Variants in RASEF observed in about 807,000 individuals in gnomAD.
The protein encoded by RASEF is ras and EF-hand domain-containing protein.
A neutral mutation model predicts 90.1 loss-of-function variants in RASEF; 68 were observed. The ratio of observed to expected loss-of-function variants is 0.75; its 90% confidence interval spans 0.62 to 0.92. RASEF has a LOEUF of 0.92. Among genes scored for constraint, RASEF ranks in the 40% least tolerant of loss-of-function variants. RASEF has a pLI of 0.00. For missense variants in RASEF, 949 were observed against 937.2 expected, an observed-to-expected ratio of 1.01 and a Z score of -0.16; for synonymous variants, 331 against 345.2, an observed-to-expected ratio of 0.96 and a Z score of 0.46.
the RASEF span, among the ~76,000 whole-genome samples, chr9:83,134,537 T>G: frequency 1.3e-5 from 2 of 151,996 alleles, no homozygotes; most frequent in African/African-American, 2.4e-5. Context: ...TACACCAGGC[T>G]TGTTACCCAC....
At chr9:83,140,205 C>G in the RASEF span, among the ~76,000 whole-genome samples, 4 of 152,108 alleles carry the variant, frequency 2.6e-5, no homozygotes, top group Non-Finnish European at 2.9e-5. Flanking sequence ...GATGTTGAAG[C>G]CTATAATACC....
chr9:83,033,437 AAGGGGGTGCAAT>A (rs1438580541), intron 1 of RASEF, among the ~76,000 whole-genome samples: 1 of 152,168 alleles, frequency 6.6e-6, no homozygotes, highest in Non-Finnish European at 1.5e-5. Context: ...ACTAGGCAGA[AAGGGGGTGCAAT>A]AGGGGGTGGT....
the RASEF span, among the ~76,000 whole-genome samples, chr9:83,145,219 A>C: frequency 2.6e-5 from 4 of 152,140 alleles, no homozygotes; most frequent in Non-Finnish European, 5.9e-5. Context: ...TAACTATAAC[A>C]AGGACTATAA....
intron 1 of RASEF, among the ~76,000 whole-genome samples, chr9:83,037,649 A>G (rs1347568219): frequency 1.3e-5 from 2 of 152,068 alleles, no homozygotes; most frequent in African/African-American, 2.4e-5. Flanking sequence ...CATTTTTGCA[A>G]TAGTCATTTT....
At chr9:83,006,183 ACTT>A (rs1322643849) in intron 7 of RASEF, among the ~76,000 whole-genome samples, 5 of 152,184 alleles carry the variant, frequency 3.3e-5, no homozygotes, top group African/African-American at 1.2e-4. Flanking sequence ...CCTCCAGAAC[ACTT>A]CCTTGACCTT....
At chr9:83,027,306 C>T (rs964932378) in intron 1 of RASEF, among the ~76,000 whole-genome samples, 2 of 152,192 alleles carry the variant, frequency 1.3e-5, no homozygotes. Context: ...TTACCTCAAT[C>T]TTCAGCTTCT....
intron 1 of RASEF, among the ~76,000 whole-genome samples, chr9:83,037,398 C>T (rs1829762540): frequency 1.3e-5 from 2 of 151,846 alleles, no homozygotes; most frequent in Non-Finnish European, 2.9e-5. Context: ...TCAGGAAGTT[C>T]ATTCTGTCAA....
the RASEF span, among the ~76,000 whole-genome samples, chr9:83,189,509 A>G: frequency 7.9e-5 from 12 of 152,208 alleles, no homozygotes; most frequent in Non-Finnish European, 1.6e-4. Context: ...CTCTCATAAT[A>G]TCACACAGAA....
chr9:83,165,452 C>A, the RASEF span, among the ~76,000 whole-genome samples: 3 of 151,844 alleles, frequency 2.0e-5, no homozygotes, highest in Non-Finnish European at 1.5e-5. Context: ...ATATTTGAAA[C>A]GGAATGAAAA....
rs1829002019 is a variant in RASEF, at chr9:83,000,183, A to G, written c.1709T>C (p.Ile570Thr). The G allele has an allele frequency of 6.2e-7, 1 of 1,613,790 alleles. No individual in the cohort carries two copies. The highest frequency in any genetic ancestry group is 8.5e-7 in the Non-Finnish European group (1 of 1,179,924). ...RLCKNEFREN[I>T]SATLGVDFQM... ...ACGAGCCATACCCAGGGTGGCGCTT[A>G]TATTTTCTCGAAATTCATTCTTGCA... is the stretch of plus-strand genomic sequence containing the variant. The change falls in exon 12 of 17, where the codon ATA (isoleucine) becomes ACA (threonine). Residue 570 changes from isoleucine to threonine, a missense_variant. Ile to Thr is a moderately conservative substitution (Grantham distance 89, BLOSUM62 -1). This residue lies in a region of RASEF where 288 missense variants were observed against 328.4 expected (regional missense o/e 0.88). Coordinates refer to ENST00000376447, the MANE Select transcript of RASEF (RefSeq NM_152573.4).
chr9:83,000,447 C>T lies in RASEF; in HGVS notation c.1561G>A (p.Ala521Thr), dbSNP rs77070682. Residue 521 changes from alanine (A) to threonine (T), a missense_variant, in exon 11 of 17, where the codon GCA (alanine) becomes ACA (threonine). Ala to Thr is a moderately conservative substitution (Grantham distance 58). This residue lies in a region of RASEF where 288 missense variants were observed against 328.4 expected (regional missense o/e 0.88). Coordinates refer to ENST00000376447, the MANE Select transcript of RASEF (RefSeq NM_152573.4). ...IVSSSRKPIS[A>T]LSPQTDLVDD... ...AGACCACCTACCTGGGGCGAGAGTG[C>T]TGAGATGGGCTTTCTTGATGAACTA... 2.5e-3 allele frequency: 4,095 copies of T among 1,613,984 alleles called. 91 individuals carry two copies. The African/African-American group carries it at 0.047, about 19-fold the overall frequency.
upstream of RASEF, among the ~76,000 whole-genome samples, chr9:83,063,386 G>A (rs149725846): frequency 4.6e-5 from 7 of 152,352 alleles, no homozygotes; most frequent in East Asian, 1.4e-3. Flanking sequence ...ACGTGCTGGC[G>A]CGCGCGTCAG....
chr9:83,065,496 T>G (rs1357870777), upstream of RASEF, among the ~76,000 whole-genome samples: 1 of 152,222 alleles, frequency 6.6e-6, no homozygotes, highest in Non-Finnish European at 1.5e-5. Flanking sequence ...TCTTCAAGCT[T>G]TAGCTTATGT....
chr9:83,049,529 CTTTTTT>C (rs10687615), intron 1 of RASEF, among the ~76,000 whole-genome samples: 4 of 99,084 alleles, frequency 4.0e-5, no homozygotes, highest in South Asian at 4.1e-4. Flanking sequence ...TTCTGCCTTC[CTTTTTT>C]TTTTTTTTTT....
rs1337550849 is a variant in RASEF at position 83,062,979 on chromosome 9, T to C, written c.-112A>G. On this transcript the variant is annotated 5_prime_UTR_variant, in exon 1 of 17. Coordinates refer to ENST00000376447, the MANE Select transcript of RASEF (RefSeq NM_152573.4). Reference sequence around the variant, plus strand: ...CGGGAGGCCCGGCGAGTTTGGCTCGTCCGGCTGGTTCGGCCACTTGAGGGA... The same window carrying C: ...CGGGAGGCCCGGCGAGTTTGGCTCGCCCGGCTGGTTCGGCCACTTGAGGGA... The C allele has an allele frequency of 1.7e-6, 2 of 1,186,514 alleles. No homozygotes were observed. The highest frequency in any genetic ancestry group is 1.6e-5 in the African/African-American group (1 of 61,682). The allele number at this position is 1,186,514 out of a possible 1,614,324, so 73.5% of individuals were successfully genotyped here.
chr9:83,012,179 T>G (rs1829258906), intron 5 of RASEF, among the ~76,000 whole-genome samples: 1 of 152,198 alleles, frequency 6.6e-6, no homozygotes, highest in Non-Finnish European at 1.5e-5. Context: ...CAGGGTTAAC[T>G]GTGTTACATA....
chr9:83,176,421 C>G, the RASEF span, among the ~76,000 whole-genome samples: 1 of 151,962 alleles, frequency 6.6e-6, no homozygotes, highest in Admixed American at 6.6e-5. Flanking sequence ...AGTTGAGTCT[C>G]TTTTTCTATC....
the RASEF span, among the ~76,000 whole-genome samples, chr9:83,080,718 C>G: frequency 6.6e-6 from 1 of 152,078 alleles, no homozygotes; most frequent in African/African-American, 2.4e-5. Flanking sequence ...AGAAAAATTT[C>G]ATGGTACTAT....
the RASEF span, among the ~76,000 whole-genome samples, chr9:83,183,569 A>G: frequency 6.6e-6 from 1 of 152,210 alleles, no homozygotes; most frequent in Non-Finnish European, 1.5e-5. Flanking sequence ...TCCCACTGTT[A>G]GATAGCTTGA....
Sources: allele counts gnomAD v4.1 joint callset (sites outside exome capture counted in the v4.1 genomes callset), GRCh38; gene constraint gnomAD v4.1.1; regional missense constraint gnomAD v4.1.1; transcripts MANE v1.5; gene names NCBI Gene and HGNC (gene_info 2026-07-23, HGNC 2026-07-21).